The following TECPR2 variants were observed in gnomAD, a reference collection of about 807,000 sequenced individuals.
The protein encoded by TECPR2 is tectonin beta-propeller repeat containing 2, also known as tectonin beta-propeller repeat-containing protein 2.
Under a neutral mutation model 138.1 loss-of-function variants are expected in TECPR2, and 65 were observed. The observed-to-expected ratio is 0.47, with a 90% CI of 0.39 to 0.58. The LOEUF is 0.58. TECPR2 is among the 20% of genes least tolerant of loss of function. TECPR2 has a pLI of 0.00. For synonymous variants in TECPR2, 746 were observed against 749.8 expected, an observed-to-expected ratio of 0.99 and a Z score of 0.08; for missense variants, 1,553 against 1,824.5, an observed-to-expected ratio of 0.85 and a Z score of 2.71.
chr14:102,428,902 C>T (rs1889396920), intron 7 of TECPR2, among the ~76,000 whole-genome samples: 1 of 149,688 alleles, frequency 6.7e-6, no homozygotes, highest in Admixed American at 6.7e-5. Flanking sequence ...GGCTAGAGTG[C>T]AATGAGGCGA....
At chr14:102,409,898 G>C (rs1052840206) in intron 4 of TECPR2, among the ~76,000 whole-genome samples, 2 of 152,078 alleles carry the variant, frequency 1.3e-5, no homozygotes, top group Admixed American at 6.6e-5. Context: ...TCCGCCTCCC[G>C]GGTTCAAGGG....
chr14:102,492,926 G>A (rs115098168), intron 17 of TECPR2, among the ~76,000 whole-genome samples: 58 of 152,340 alleles, frequency 3.8e-4, no homozygotes, highest in African/African-American at 1.3e-3. Flanking sequence ...AGGGAGACAG[G>A]GAAGTTTTAT....
At position 102,419,029 on chromosome 14, in the gene TECPR2, G is replaced by T. The variant is rs894684418; in HGVS notation, c.638+4236G>T. The stretch of plus-strand genomic sequence containing the variant: ...AGTGGAGAGCTGGCGTGGGAGGCGG[G>T]TGGCGGGTGTACCTCTCGGGGAGCT... On this transcript the variant is annotated intron_variant, in intron 5 of 19. Coordinates refer to ENST00000359520, the MANE Select transcript of TECPR2 (RefSeq NM_014844.5). This position sits in a 1 kb window ranked among gnomAD's most constrained non-coding sequence, Gnocchi z 4.8. Among the ~76,000 whole-genome samples the T allele has an allele frequency of 1.3e-5, 2 of 152,122 alleles. No homozygotes were observed. Among genetic ancestry groups the T allele is most frequent in the African/African-American group, 2.4e-5 (1 of 41,408 alleles).
chr14:102,408,272 A>G lies in TECPR2; in HGVS notation c.349-216A>G, dbSNP rs148288394. Among the ~76,000 whole-genome samples, 223 of 152,086 alleles carry G rather than the reference A, an allele frequency of 1.5e-3. 1 individual carries two copies. Among genetic ancestry groups the G allele is most frequent in the Non-Finnish European group, 2.4e-3 (161 of 67,992 alleles). On this transcript the variant is annotated intron_variant, in intron 3 of 19. Transcript: ENST00000359520. ...ACTTGGCATAAAGTACATGTGGGTC[A>G]TTTCATTTTTGCTTAATATTCTCAA... is the stretch of plus-strand genomic sequence containing the variant.
intron 8 of TECPR2, 23 bp downstream of exon 8, chr14:102,432,151 A>G: frequency 6.7e-7 from 1 of 1,501,486 alleles, no homozygotes; most frequent in Non-Finnish European, 8.9e-7. Context: ...GCTGGCACAC[A>G]CCCATCTGGG....
At chr14:102,407,086 C>G (rs1005168412) in intron 2 of TECPR2, among the ~76,000 whole-genome samples, 2 of 152,188 alleles carry the variant, frequency 1.3e-5, no homozygotes, top group Admixed American at 1.3e-4. Context: ...TCTCGAACTC[C>G]TGACCTCAGG....
At chr14:102,477,795 C>T (rs1251132335) in intron 17 of TECPR2, among the ~76,000 whole-genome samples, 5 of 133,208 alleles carry the variant, frequency 3.8e-5, no homozygotes, top group African/African-American at 1.1e-4. Context: ...ATTAGCCAGG[C>T]GTGGTGGCGG....
intron 1 of TECPR2, among the ~76,000 whole-genome samples, chr14:102,371,642 T>G (rs1168403858): frequency 1.7e-4 from 26 of 152,222 alleles, no homozygotes; most frequent in Non-Finnish European, 1.5e-5. Context: ...GATATGAACA[T>G]TCTTCAAGGC....
Position 102,465,201 on chromosome 14 carries a change from G to T in TECPR2, c.3701G>T (p.Arg1234Met), listed in dbSNP as rs146501342. 30 of 1,614,224 alleles carry T rather than the reference G, an allele frequency of 1.9e-5. No individual in the cohort carries two copies. Among genetic ancestry groups the T allele is most frequent in the Non-Finnish European group, 2.5e-5 (29 of 1,180,042 alleles). Residue 1234 changes from arginine (R) to methionine (M), a missense_variant, in exon 17 of 20, where the codon AGG becomes ATG. Coordinates refer to ENST00000359520, the MANE Select transcript of TECPR2 (RefSeq NM_014844.5). Reference protein sequence around the residue: ...GNQHIWACDSRGGVYFRVGTQ... With the variant: ...GNQHIWACDSMGGVYFRVGTQ... ...CAGCACATCTGGGCCTGTGATTCCA[G>T]GGGTGGAGTTTACTTCCGTGTAGGG...
Position 102,499,285 on chromosome 14 carries a change from T to C in TECPR2, c.*1028T>C. ...TGCTGGCGGACATCCTAAAACCAGATGCATCCTCAGAGGACGAGTCTACTA... is the reference window on the plus strand; with the variant it reads ...TGCTGGCGGACATCCTAAAACCAGACGCATCCTCAGAGGACGAGTCTACTA... On this transcript the variant is annotated 3_prime_UTR_variant, in exon 20 of 20. Coordinates refer to ENST00000359520, the MANE Select transcript of TECPR2 (RefSeq NM_014844.5). 1.6e-6 allele frequency: 1 copy of C among 640,032 alleles called. No individual in the cohort carries two copies. Among genetic ancestry groups the C allele is most frequent in the Non-Finnish European group, 2.9e-6 (1 of 348,560 alleles). The allele number at this position is 640,032 out of a possible 1,614,324, so 39.6% of individuals were successfully genotyped here. A position where few individuals can be genotyped will look rare whatever the true frequency, so the allele number is the denominator to read the frequency against.
At chr14:102,444,953 G>C (rs1889931075) in intron 12 of TECPR2, among the ~76,000 whole-genome samples, 1 of 152,086 alleles carries the variant, frequency 6.6e-6, no homozygotes, top group South Asian at 2.1e-4. Context: ...TCAAAAAACA[G>C]ACAGACAAAA....
intron 16 of TECPR2, among the ~76,000 whole-genome samples, chr14:102,458,526 G>A (rs1031188024): frequency 6.6e-6 from 1 of 152,126 alleles, no homozygotes; most frequent in African/African-American, 2.4e-5. Flanking sequence ...GAGGCCTCGT[G>A]CGTTGGGGAC....
rs532330130 is a variant in TECPR2, at chr14:102,399,135, G to C, written c.220-8203G>C. Among the ~76,000 whole-genome samples, 4 of 152,178 alleles carry C rather than the reference G, an allele frequency of 2.6e-5. 1 individual carries two copies. The highest frequency in any genetic ancestry group is 1.3e-4 in the Admixed American group (2 of 15,266). On this transcript the variant is annotated intron_variant, in intron 2 of 19. Transcript: ENST00000359520. ...ATTAGCCAGGGATGGTGGCGTATGT[G>C]CCTGTAATCCCAGCCATCTGGGTGC... is the stretch of plus-strand genomic sequence containing the variant.
intron 2 of TECPR2, among the ~76,000 whole-genome samples, chr14:102,391,383 T>C (rs1316113234): frequency 6.6e-6 from 1 of 152,118 alleles, no homozygotes; most frequent in Non-Finnish European, 1.5e-5. Context: ...TTTAAAGATA[T>C]ACACGCATGT....
intron 2 of TECPR2, among the ~76,000 whole-genome samples, chr14:102,400,344 C>G (rs1888445465): frequency 6.6e-6 from 1 of 151,920 alleles, no homozygotes; most frequent in African/African-American, 2.4e-5. Context: ...CGTGCCCAGC[C>G]CACATTTTGT....
chr14:102,397,474 C>T (rs529892455), intron 2 of TECPR2, among the ~76,000 whole-genome samples: 32 of 152,270 alleles, frequency 2.1e-4, no homozygotes, highest in South Asian at 6.2e-4. Context: ...GCGCTGGGGG[C>T]GGTAGCTCAT....
chr14:102,462,996 C>T (rs1456678456), intron 16 of TECPR2, among the ~76,000 whole-genome samples: 2 of 152,212 alleles, frequency 1.3e-5, no homozygotes, highest in African/African-American at 4.8e-5. Flanking sequence ...AAAGCCACGA[C>T]ATGATACAAC....
Position 102,443,813 on chromosome 14 carries a change from G to A in TECPR2, c.2919G>A (p.Lys973=), listed in dbSNP as rs2139743904. 1 of 1,592,080 alleles carries A rather than the reference G, an allele frequency of 6.3e-7. No individual in the cohort carries two copies. The highest frequency in any genetic ancestry group is 8.6e-7 in the Non-Finnish European group (1 of 1,164,426). Residue 973 remains lysine (K), a synonymous_variant, in exon 12 of 20, where the codon AAG becomes AAA. Coordinates refer to ENST00000359520, the MANE Select transcript of TECPR2 (RefSeq NM_014844.5). This position sits in a 1 kb window ranked among gnomAD's most constrained non-coding sequence, Gnocchi z 4.9. ...TCTGTCCGGAAGGCGAGCAGTGGAA[G>A]TGTGACATTGTCAGGTACTGGCGGG... The part of the protein sequence containing the change: ...SSFCPEGEQW[K]CDIVSERQAL...
intron 10 of TECPR2, 105 bp from the exon 11 acceptor site, chr14:102,440,331 T>G: frequency 6.9e-7 from 1 of 1,446,782 alleles, no homozygotes. Context: ...CAGAACAGGA[T>G]GTGTTTTAGA....
Sources: allele counts gnomAD v4.1 joint callset (sites outside exome capture counted in the v4.1 genomes callset), GRCh38; gene constraint gnomAD v4.1.1; non-coding constraint Gnocchi (gnomAD v3.1); transcripts MANE v1.5; gene names NCBI Gene and HGNC (gene_info 2026-07-23, HGNC 2026-07-21).